The following ERLEC1 variants were observed in gnomAD, a reference collection of about 807,000 sequenced individuals.
ERLEC1 encodes endoplasmic reticulum lectin 1.
ERLEC1 carries 47 observed loss-of-function variants against 68.0 expected under a neutral mutation model. The observed-to-expected ratio is 0.69, with a 90% confidence interval of 0.55 to 0.88. ERLEC1 has a LOEUF of 0.88. Ranked by LOEUF, ERLEC1 falls within the 40% of genes least tolerant of loss-of-function variation. ERLEC1 has a pLI of 0.00. For synonymous variants in ERLEC1, 225 were observed against 203.2 expected (o/e 1.11, Z -0.91); for missense variants, 567 against 583.8 (o/e 0.97, Z 0.30).
chr2:53,789,171 G>A (rs1463076846), intron 1 of ERLEC1, among the ~76,000 whole-genome samples: 4 of 151,900 alleles, frequency 2.6e-5, no homozygotes, highest in South Asian at 2.1e-4. Context: ...AGAGGCAGGC[G>A]GATTATGAGG....
intron 1 of ERLEC1, among the ~76,000 whole-genome samples, chr2:53,790,350 G>A (rs1573060759): frequency 6.6e-6 from 1 of 152,048 alleles, no homozygotes; most frequent in South Asian, 2.1e-4. Flanking sequence ...CGCCCACCTC[G>A]GCCTCCCAAA....
chr2:53,797,041 G>A (rs1675750859), intron 3 of ERLEC1, among the ~76,000 whole-genome samples: 2 of 151,844 alleles, frequency 1.3e-5, no homozygotes, highest in African/African-American at 2.4e-5. Flanking sequence ...ACACACACGC[G>A]CTACCACATC....
At chr2:53,798,639 G>T (rs1338489845) in intron 5 of ERLEC1, among the ~76,000 whole-genome samples, 1 of 151,498 alleles carries the variant, frequency 6.6e-6, no homozygotes, top group African/African-American at 2.4e-5. Flanking sequence ...AATGCCAGGT[G>T]CATGTTAGTG....
At chr2:53,794,296 G>T (rs749842004) in intron 1 of ERLEC1, 49 bp from the exon 2 acceptor site, 1 of 786,880 alleles carries the variant, frequency 1.3e-6, no homozygotes, top group Non-Finnish European at 2.0e-6. Context: ...TATTCAGTGT[G>T]ATACAATTTC....
At position 53,801,382 on chromosome 2, in the gene ERLEC1, C is replaced by T; in HGVS notation, c.526-15C>T. 1.2e-6 allele frequency: 2 copies of T among 1,602,132 alleles called. No individual in the cohort carries two copies. ...TGTCTAATGAAAAGTCTGTCTTATA[C>T]TCTTTTTTTTTAAGATTCCCACTAA... On this transcript the variant is annotated splice_polypyrimidine_tract_variant and intron_variant, in intron 6 of 13. Coordinates refer to ENST00000185150, the MANE Select transcript of ERLEC1 (RefSeq NM_015701.5).
intron 1 of ERLEC1, among the ~76,000 whole-genome samples, chr2:53,790,610 A>G (rs1675341178): frequency 4.6e-5 from 7 of 152,200 alleles, no homozygotes. Context: ...GCTTAGAAAA[A>G]GTATTAAGCA....
intron 13 of ERLEC1, among the ~76,000 whole-genome samples, chr2:53,817,629 G>C (rs1299483249): frequency 1.3e-5 from 2 of 151,834 alleles, no homozygotes; most frequent in African/African-American, 4.8e-5. Flanking sequence ...TGTTGTATAA[G>C]AGCTATGTGT....
chr2:53,793,408 A>G (rs930491286), intron 1 of ERLEC1, among the ~76,000 whole-genome samples: 1 of 152,182 alleles, frequency 6.6e-6, no homozygotes, highest in Admixed American at 6.5e-5. Context: ...ACATATTTTT[A>G]TAAATAAGGT....
chr2:53,803,355 G>T (rs1009635939), intron 8 of ERLEC1, among the ~76,000 whole-genome samples: 2 of 152,140 alleles, frequency 1.3e-5, no homozygotes, highest in Non-Finnish European at 2.9e-5. Context: ...TCTGGTCTTC[G>T]TTTTGATAGT....
chr2:53,793,466 T>C (rs1045625626), intron 1 of ERLEC1, among the ~76,000 whole-genome samples: 2 of 152,254 alleles, frequency 1.3e-5, no homozygotes, highest in African/African-American at 4.8e-5. Flanking sequence ...TGTGTACTTT[T>C]GTTGCTACAG....
chr2:53,801,279 C>G, intron 6 of ERLEC1, 118 bp from the exon 7 acceptor site: 1 of 647,100 alleles, frequency 1.5e-6, no homozygotes, highest in Non-Finnish European at 2.6e-6. Context: ...GAAGTGTTAC[C>G]TTTCAGTTAA....
chr2:53,790,901 C>T (rs1675357980), intron 1 of ERLEC1, among the ~76,000 whole-genome samples: 2 of 152,172 alleles, frequency 1.3e-5, no homozygotes, highest in African/African-American at 2.4e-5. Flanking sequence ...TCACCTCTGT[C>T]GTTATGTTTA....
At chr2:53,800,045 G>A (rs1308981618) in intron 6 of ERLEC1, among the ~76,000 whole-genome samples, 1 of 152,072 alleles carries the variant, frequency 6.6e-6, no homozygotes, top group Non-Finnish European at 1.5e-5. Context: ...AAAAGCTAAT[G>A]TTTAATTCTC....
At chr2:53,816,121 C>T (rs1013986570) in intron 13 of ERLEC1, among the ~76,000 whole-genome samples, 1 of 152,150 alleles carries the variant, frequency 6.6e-6, no homozygotes, top group Non-Finnish European at 1.5e-5. Flanking sequence ...TCGGCCACTA[C>T]ACAGGCTGGA....
At chr2:53,810,819 CATTT>C (rs765053094) in intron 10 of ERLEC1, among the ~76,000 whole-genome samples, 2 of 151,978 alleles carry the variant, frequency 1.3e-5, no homozygotes, top group Non-Finnish European at 2.9e-5. Flanking sequence ...GTATTCTTTC[CATTT>C]ATTCCTGCTA....
intron 8 of ERLEC1, among the ~76,000 whole-genome samples, chr2:53,803,915 G>C (rs955191502): frequency 1.3e-5 from 2 of 152,196 alleles, no homozygotes; most frequent in African/African-American, 4.8e-5. Context: ...GATCACTTGA[G>C]GTCAGGAGTT....
intron 10 of ERLEC1, among the ~76,000 whole-genome samples, chr2:53,810,080 C>A (rs1312532997): frequency 1.3e-5 from 2 of 151,914 alleles, no homozygotes; most frequent in Non-Finnish European, 2.9e-5. Flanking sequence ...AAAAACCAAA[C>A]AAACAAAAAA....
intron 10 of ERLEC1, among the ~76,000 whole-genome samples, chr2:53,810,483 CT>C (rs1178123859): frequency 1.3e-5 from 2 of 152,112 alleles, no homozygotes; most frequent in African/African-American, 4.8e-5. Flanking sequence ...GTTATTTGTC[CT>C]ACTTATACTT....
At chr2:53,801,191 A>G (rs917323167) in intron 6 of ERLEC1, among the ~76,000 whole-genome samples, 2 of 152,222 alleles carry the variant, frequency 1.3e-5, no homozygotes, top group South Asian at 4.1e-4. Flanking sequence ...GCTGTATTAA[A>G]CTAGCTCTGA....
Sources: allele counts gnomAD v4.1 joint callset (sites outside exome capture counted in the v4.1 genomes callset), GRCh38; gene constraint gnomAD v4.1.1; transcripts MANE v1.5; gene names NCBI Gene and HGNC (gene_info 2026-07-23, HGNC 2026-07-21).